Variants in ASAP1 observed in about 807,000 individuals in gnomAD.
The protein encoded by ASAP1 is ArfGAP with SH3 domain, ankyrin repeat and PH domain 1.
A neutral mutation model predicts 145.2 loss-of-function variants in ASAP1; 43 were observed. That is an observed-to-expected ratio of 0.30 (90% confidence interval 0.23 to 0.38). The LOEUF (loss-of-function observed/expected upper bound fraction) is 0.38, where lower values mean the gene tolerates loss of function less well. Among genes scored for constraint, ASAP1 ranks in the 10% least tolerant of loss-of-function variants. The pLI, the probability that ASAP1 is intolerant of heterozygous loss-of-function variation, is 1.00. For synonymous variants in ASAP1, 546 were observed against 515.5 expected (o/e 1.06, Z -0.80); for missense variants, 1,018 against 1,355.3 (o/e 0.75, Z 3.91).
intron 1 of ASAP1, among the ~76,000 whole-genome samples, chr8:130,416,740 C>T (rs1430731173): frequency 6.6e-6 from 1 of 152,222 alleles, no homozygotes; most frequent in Non-Finnish European, 1.5e-5. Context: ...TAGGCTGCCA[C>T]CTAATGGAAA....
intron 25 of ASAP1, 47 bp from the exon 26 acceptor site, chr8:130,080,018 A>G (rs763932894): frequency 1.8e-5 from 27 of 1,532,516 alleles, no homozygotes; most frequent in Non-Finnish European, 2.4e-5. Context: ...AGATGGGGAA[A>G]TGCAATGAGA....
At chr8:130,114,592 A>G (rs918301173) in intron 23 of ASAP1, among the ~76,000 whole-genome samples, 6 of 152,092 alleles carry the variant, frequency 3.9e-5, no homozygotes, top group Non-Finnish European at 8.8e-5. Context: ...GCACTACCGT[A>G]TTATGACATC....
intron 3 of ASAP1, among the ~76,000 whole-genome samples, chr8:130,257,440 G>C (rs1475654274): frequency 1.3e-5 from 2 of 152,014 alleles, no homozygotes; most frequent in African/African-American, 4.8e-5. Flanking sequence ...TGGAGGATCT[G>C]GTATTAGGCA....
intron 3 of ASAP1, 92 bp downstream of exon 3, chr8:130,357,925 C>T: frequency 2.0e-6 from 3 of 1,484,384 alleles, no homozygotes; most frequent in Non-Finnish European, 2.7e-6. Flanking sequence ...CCCCGGCCCC[C>T]GCGTCCCCTT....
chr8:130,272,227 T>TA (rs982374083), intron 3 of ASAP1, among the ~76,000 whole-genome samples: 135 of 151,254 alleles, frequency 8.9e-4, no homozygotes, highest in African/African-American at 3.0e-3. Context: ...AGCAGGTATA[T>TA]AAAAAAAAAT....
At chr8:130,093,580 T>C (rs2097510273) in intron 24 of ASAP1, among the ~76,000 whole-genome samples, 1 of 145,670 alleles carries the variant, frequency 6.9e-6, no homozygotes, top group African/African-American at 2.5e-5. Context: ...GGCTGGAGAA[T>C]CGCTTGAACC....
At chr8:130,192,725 T>C (rs1035674168) in intron 5 of ASAP1, among the ~76,000 whole-genome samples, 1 of 152,212 alleles carries the variant, frequency 6.6e-6, no homozygotes. Context: ...GTTTCCCTAT[T>C]TGTTGCTGTC....
intron 13 of ASAP1, among the ~76,000 whole-genome samples, chr8:130,138,850 A>G (rs980073010): frequency 6.6e-5 from 10 of 151,740 alleles, no homozygotes; most frequent in Non-Finnish European, 1.2e-4. Context: ...AAAAAAAAAA[A>G]AAAAGAAAAC....
intron 2 of ASAP1, among the ~76,000 whole-genome samples, chr8:130,387,625 C>G (rs1465716122): frequency 6.7e-6 from 1 of 149,998 alleles, no homozygotes; most frequent in Non-Finnish European, 1.5e-5. Flanking sequence ...CCACTACACT[C>G]CAGCCTGGAT....
intron 17 of ASAP1, among the ~76,000 whole-genome samples, chr8:130,125,152 C>T (rs1388912665): frequency 6.6e-6 from 1 of 152,106 alleles, no homozygotes. Context: ...GGGTGAGCCT[C>T]CTGTCTGAGA....
At chr8:130,254,841 C>A (rs2052710) in intron 3 of ASAP1, among the ~76,000 whole-genome samples, 5,284 of 152,238 alleles carry the variant, frequency 0.035, 124 homozygotes, top group Middle Eastern at 0.065. Context: ...TAAGTAGCAA[C>A]AACCAATCTA....
intron 13 of ASAP1, among the ~76,000 whole-genome samples, chr8:130,140,736 A>AGT (rs2097608640): frequency 6.6e-6 from 1 of 152,188 alleles, no homozygotes; most frequent in South Asian, 2.1e-4. Context: ...GCCTAAACAT[A>AGT]GTGCTCTTCT....
intron 3 of ASAP1, chr8:130,340,733 C>T: frequency 2.8e-6 from 1 of 355,216 alleles, no homozygotes; most frequent in African/African-American, 2.1e-5. Context: ...CTTCTCTAAG[C>T]ATTCATTCAC....
At chr8:130,425,885 C>T (rs1829897541) in intron 1 of ASAP1, among the ~76,000 whole-genome samples, 1 of 152,140 alleles carries the variant, frequency 6.6e-6, no homozygotes, top group Non-Finnish European at 1.5e-5. Flanking sequence ...CCAGCTTAGC[C>T]ATGGTTTGGA....
intron 5 of ASAP1, among the ~76,000 whole-genome samples, chr8:130,213,304 C>T (rs1210187051): frequency 3.3e-5 from 5 of 152,340 alleles, no homozygotes; most frequent in Non-Finnish European, 7.4e-5. Flanking sequence ...CAATGGCATA[C>T]ATCGCCAATT....
At chr8:130,270,629 T>C (rs1820530573) in intron 3 of ASAP1, among the ~76,000 whole-genome samples, 1 of 152,252 alleles carries the variant, frequency 6.6e-6, no homozygotes, top group Non-Finnish European at 1.5e-5. Flanking sequence ...TAAATCTTCA[T>C]CCTGTATGTT....
chr8:130,351,383 G>A (rs979487888), intron 3 of ASAP1, among the ~76,000 whole-genome samples: 2 of 152,156 alleles, frequency 1.3e-5, no homozygotes, highest in Non-Finnish European at 2.9e-5. Flanking sequence ...AATGCTACTA[G>A]AATAAGCTTT....
chr8:130,368,432 C>T (rs1223655225), intron 2 of ASAP1, among the ~76,000 whole-genome samples: 1 of 152,332 alleles, frequency 6.6e-6, no homozygotes, highest in East Asian at 1.9e-4. Flanking sequence ...TTGTCTGTCT[C>T]TCCTACATCC....
intron 24 of ASAP1, among the ~76,000 whole-genome samples, chr8:130,098,890 A>T (rs1378880257): frequency 1.3e-5 from 2 of 151,988 alleles, no homozygotes; most frequent in Non-Finnish European, 2.9e-5. Context: ...TATCCTTCCC[A>T]TCTAGCTGTT....
Sources: allele counts gnomAD v4.1 joint callset (sites outside exome capture counted in the v4.1 genomes callset), GRCh38; gene constraint gnomAD v4.1.1; transcripts MANE v1.5; gene names NCBI Gene and HGNC (gene_info 2026-07-23, HGNC 2026-07-21).